RBBP8: variants seen among roughly 807,000 people sequenced by gnomAD.
RBBP8 encodes RB binding protein 8, endonuclease, also known as DNA endonuclease RBBP8.
Under a neutral mutation model 108.3 loss-of-function variants are expected in RBBP8, and 88 were observed. That is an observed-to-expected ratio of 0.81 (90% CI 0.68 to 0.97). RBBP8 has a LOEUF of 0.97. RBBP8 is among the 50% of genes least tolerant of loss of function. The pLI is 0.00. For missense variants in RBBP8, 1,023 were observed against 1,049.0 expected (o/e 0.98, Z 0.34); for synonymous variants, 332 against 348.2 (o/e 0.95, Z 0.52).
At chr18:23,001,800 T>G (rs2045953617) in intron 15 of RBBP8, 71 bp downstream of exon 15, 15 of 1,540,534 alleles carry the variant, frequency 9.7e-6, no homozygotes, top group Non-Finnish European at 1.3e-5. Context: ...TCAAGCTAAT[T>G]AACAAAGGCT....
chr18:22,969,878 G>A lies in RBBP8; in HGVS notation c.361+960G>A, dbSNP rs181406474. Reference sequence around the variant, plus strand: ...GATTCTGTGGTGTATATGGGTGAACGTGTGCATACATTTATTTAGGAATGT... The same window carrying A: ...GATTCTGTGGTGTATATGGGTGAACATGTGCATACATTTATTTAGGAATGT... On this transcript the variant is annotated intron_variant, in intron 5 of 18. Coordinates refer to ENST00000327155, the MANE Select transcript of RBBP8 (RefSeq NM_002894.3). Among the ~76,000 whole-genome samples, 31 of 152,248 alleles carry A rather than the reference G, an allele frequency of 2.0e-4. No individual in the cohort carries two copies. The East Asian group carries it at 2.1e-3, about 10-fold the overall frequency.
intron 4 of RBBP8, among the ~76,000 whole-genome samples, chr18:22,960,489 T>G (rs574944768): frequency 3.9e-5 from 6 of 152,312 alleles, no homozygotes; most frequent in African/African-American, 1.2e-4. Context: ...AAGGCAGCAG[T>G]GAGCAGTGAT....
intron 6 of RBBP8, among the ~76,000 whole-genome samples, chr18:22,978,472 CT>C (rs2144636930): frequency 6.7e-6 from 1 of 150,232 alleles, no homozygotes; most frequent in African/African-American, 2.4e-5. Context: ...CACTCATTTA[CT>C]TAGTTTGGGC....
chr18:22,989,371 G>T lies in RBBP8; in HGVS notation c.807+53G>T. 3.0e-6 allele frequency: 4 copies of T among 1,316,210 alleles called. No homozygotes were observed. The South Asian group carries it at 4.7e-5, about 16-fold the overall frequency. The allele number at this position is 1,316,210 out of a possible 1,614,324, so 81.5% of individuals were successfully genotyped here. ...CATGAATTAATTTTATGTCTTTTTA[G>T]GTCAGTTCTTAGAGAATTAAGCAAG... On this transcript the variant is annotated intron_variant, in intron 9 of 18. Coordinates refer to ENST00000327155, the MANE Select transcript of RBBP8 (RefSeq NM_002894.3).
rs7243256 is a variant in RBBP8 at position 22,936,411 on chromosome 18, C to A, written c.-98-343C>A. ...GCCATCTCCCCCAGCCAAAACAATACATTAGTCTATAGTGGTAAATTAATA... is the reference window on the plus strand; with the variant it reads ...GCCATCTCCCCCAGCCAAAACAATAAATTAGTCTATAGTGGTAAATTAATA... On this transcript the variant is annotated intron_variant, in intron 1 of 18. Transcript: ENST00000327155. Among the ~76,000 whole-genome samples the A allele has an allele frequency of 0.68, 103,014 of 151,644 alleles. 35,810 individuals carry two copies. The highest frequency in any genetic ancestry group is 0.84 in the Middle Eastern group (248 of 294).
intron 3 of RBBP8, among the ~76,000 whole-genome samples, chr18:22,927,283 T>G (rs968744307): frequency 1.3e-5 from 2 of 152,202 alleles, no homozygotes; most frequent in African/African-American, 4.8e-5. Context: ...TCACTTACTT[T>G]TTAATTTTAT....
intron 15 of RBBP8, among the ~76,000 whole-genome samples, chr18:23,005,710 G>A (rs1355093855): frequency 1.3e-5 from 2 of 151,988 alleles, no homozygotes; most frequent in Admixed American, 6.6e-5. Flanking sequence ...ACCACACCCG[G>A]CCAAAATTAA....
chr18:22,973,176 C>T (rs893805488), intron 5 of RBBP8, among the ~76,000 whole-genome samples: 1 of 152,174 alleles, frequency 6.6e-6, no homozygotes, highest in Non-Finnish European at 1.5e-5. Context: ...GCCTCTGATA[C>T]TAGAATTGGT....
intron 4 of RBBP8, among the ~76,000 whole-genome samples, chr18:22,957,261 A>G (rs1402086591): frequency 7.5e-6 from 1 of 134,044 alleles, no homozygotes; most frequent in African/African-American, 2.8e-5. Flanking sequence ...CTGTCACAGT[A>G]TGAATTATAC....
intron 3 of RBBP8, among the ~76,000 whole-genome samples, chr18:22,947,515 T>G (rs1186946226): frequency 6.6e-6 from 1 of 152,088 alleles, no homozygotes; most frequent in East Asian, 1.9e-4. Flanking sequence ...CAGCTTCTTA[T>G]GCCAGTTGTA....
Position 23,017,053 on chromosome 18 carries a change from C to G in RBBP8, c.2454+129C>G, listed in dbSNP as rs2046268668. On this transcript the variant is annotated intron_variant, in intron 17 of 18. Transcript: ENST00000327155. Reference sequence around the variant, plus strand: ...CTCTTATTTGAGCCAGGCGTAACAGCAGGAATAAGGAGTATTCTGGGTCGG... The same window carrying G: ...CTCTTATTTGAGCCAGGCGTAACAGGAGGAATAAGGAGTATTCTGGGTCGG... 2.5e-5 allele frequency: 19 copies of G among 771,912 alleles called. No individual in the cohort carries two copies. The South Asian group carries it at 2.9e-4, about 12-fold the overall frequency. The allele number at this position is 771,912 out of a possible 1,614,324, so 47.8% of individuals were successfully genotyped here. A position where few individuals can be genotyped will look rare whatever the true frequency, so the allele number is the denominator to read the frequency against.
intron 6 of RBBP8, among the ~76,000 whole-genome samples, chr18:22,981,755 T>C (rs1171429982): frequency 6.6e-6 from 1 of 152,236 alleles, no homozygotes; most frequent in Non-Finnish European, 1.5e-5. Context: ...TTTCCTTGCC[T>C]CCTGTCCTTC....
intron 6 of RBBP8, among the ~76,000 whole-genome samples, chr18:22,980,965 CTTT>C (rs1167377654): frequency 1.4e-5 from 1 of 69,502 alleles, no homozygotes; most frequent in Non-Finnish European, 2.6e-5. Flanking sequence ...CCACTTATGT[CTTT>C]TTTTTTTTTT....
intron 4 of RBBP8, 92 bp from the exon 5 acceptor site, chr18:22,968,714 A>T: frequency 1.0e-6 from 1 of 990,854 alleles, no homozygotes. Flanking sequence ...AGTATTTGCC[A>T]AGTCAGTTCC....
At chr18:22,986,080 G>C in intron 8 of RBBP8, among the ~76,000 whole-genome samples, 1 of 149,988 alleles carries the variant, frequency 6.7e-6, no homozygotes, top group Admixed American at 6.7e-5. Flanking sequence ...ATGTATGTCT[G>C]TGCTTTATAC....
chr18:22,990,902 A>G (rs753537225), intron 9 of RBBP8, 35 bp from the exon 10 acceptor site: 38 of 1,484,132 alleles, frequency 2.6e-5, no homozygotes, highest in Admixed American at 1.7e-4. Context: ...AACAAATCCC[A>G]TTACATGGAT....
At chr18:22,982,056 T>G (rs181951749) in intron 6 of RBBP8, among the ~76,000 whole-genome samples, 162 bp from the exon 7 acceptor site, 119 of 152,368 alleles carry the variant, frequency 7.8e-4, no homozygotes, top group African/African-American at 2.7e-3. Flanking sequence ...CACTGGGTAC[T>G]GTAATCATTC....
intron 4 of RBBP8, among the ~76,000 whole-genome samples, chr18:22,954,778 C>T (rs974788287): frequency 6.6e-6 from 1 of 152,004 alleles, no homozygotes; most frequent in African/African-American, 2.4e-5. Context: ...ACAATCATGG[C>T]GAAGGGGGAG....
intron 3 of RBBP8, among the ~76,000 whole-genome samples, chr18:22,927,487 G>C (rs1909832377): frequency 6.6e-6 from 1 of 152,016 alleles, no homozygotes; most frequent in South Asian, 2.1e-4. Flanking sequence ...ATATATGCTG[G>C]GCCTGCGCTG....
Sources: gnomAD v4.1 joint callset for allele counts (sites outside exome capture counted in the v4.1 genomes callset) on GRCh38, gnomAD v4.1.1 for gene constraint, MANE v1.5 for transcripts, NCBI Gene and HGNC (gene_info 2026-07-23, HGNC 2026-07-21) for gene names.